The following ZNF134 variants were observed in gnomAD, a reference collection of about 807,000 sequenced individuals.
The protein encoded by ZNF134 is zinc finger protein 134 (clone pHZ-15).
Under a neutral mutation model 2.5 loss-of-function variants are expected in ZNF134, and 5 were observed. The ratio of observed to expected loss-of-function variants is 2.03; its 90% CI spans 1.06 to 4.27. The LOEUF is 4.27. ZNF134 is among the 30% of genes most tolerant of loss of function. ZNF134 has a pLI of 0.00. For missense variants in ZNF134, 540 were observed against 517.5 expected (o/e 1.04, Z -0.42); for synonymous variants, 176 against 176.2 (o/e 1.00, Z 0.01).
chr19:57,616,513 C>T (rs1391748694), intron 1 of ZNF134, among the ~76,000 whole-genome samples: 1 of 152,216 alleles, frequency 6.6e-6, no homozygotes, highest in Admixed American at 6.5e-5. Context: ...CTGATACAAA[C>T]AGTAGCCCTA....
intron 1 of ZNF134, among the ~76,000 whole-genome samples, chr19:57,616,949 A>G (rs1284934366): frequency 6.6e-6 from 1 of 152,146 alleles, no homozygotes; most frequent in Non-Finnish European, 1.5e-5. Context: ...TGTGTTGTAA[A>G]TTCTGTTTTG....
In ZNF134 at chr19:57,620,566, A is replaced by G. The variant is rs1981178530; in HGVS notation, c.447A>G (p.Gln149=). 1.2e-6 allele frequency: 2 copies of G among 1,614,252 alleles called. No individual in the cohort carries two copies. Among genetic ancestry groups the G allele is most frequent in the Non-Finnish European group, 1.7e-6 (2 of 1,180,046 alleles). ...TCCAGGCTACTTTGGGTGGCTGCCA[A>G]CAAAAGGCCATCCACAGTAAGAGGA... ...KNFQATLGGC[Q]QKAIHSKRKT... is the part of the protein sequence containing the mutation. Residue 149 remains glutamine, a synonymous_variant, in exon 3 of 3, where the codon CAA becomes CAG. Coordinates refer to ENST00000396161, the MANE Select transcript of ZNF134 (RefSeq NM_003435.5).
chr19:57,619,695 C>G, intron 2 of ZNF134, 187 bp downstream of exon 2: 1 of 650,094 alleles, frequency 1.5e-6, no homozygotes, highest in Non-Finnish European at 2.6e-6. Context: ...CTCCCATTCT[C>G]TACCAGAGGG....
chr19:57,615,926 A>G (rs564222842), intron 1 of ZNF134, among the ~76,000 whole-genome samples: 2 of 152,366 alleles, frequency 1.3e-5, no homozygotes, highest in African/African-American at 4.8e-5. Context: ...AGAACAAAGA[A>G]CAAGGAAGTT....
chr19:57,619,631 C>T (rs981347665), intron 2 of ZNF134, 123 bp downstream of exon 2: 43 of 1,066,572 alleles, frequency 4.0e-5, no homozygotes, highest in Non-Finnish European at 5.3e-5. Context: ...CTTTTTATCC[C>T]CATTCTGTAC....
chr19:57,614,291 C>CG lies in ZNF134; in HGVS notation c.-266dup, dbSNP rs1324790085. On this transcript the variant is annotated 5_prime_UTR_variant, in exon 1 of 3. Coordinates refer to ENST00000396161, the MANE Select transcript of ZNF134 (RefSeq NM_003435.5). ...AGGTGGAACCATCGGAGCAGAAGCT[C>CG]GGGGTTGCTGGGCGGTTCCGAGGTG... 1.6e-5 allele frequency: 7 copies of CG among 450,814 alleles called. No individual in the cohort carries two copies. The highest frequency in any genetic ancestry group is 2.4e-5 in the Admixed American group (1 of 42,096). 27.9% of individuals were successfully genotyped at this position (450,814 alleles called of 1,614,324 possible). A position where few individuals can be genotyped will look rare whatever the true frequency, so the allele number is the denominator to read the frequency against.
At chr19:57,618,365 G>A (rs180713352) in intron 1 of ZNF134, among the ~76,000 whole-genome samples, 34 of 152,320 alleles carry the variant, frequency 2.2e-4, no homozygotes, top group Non-Finnish European at 1.5e-4. Flanking sequence ...AGCCATGGAG[G>A]TACCAGTGTT....
In ZNF134 at chr19:57,614,310, C is replaced by T. The variant is rs902070650; in HGVS notation, c.-251C>T. ...GAAGCTCGGGGTTGCTGGGCGGTTC[C>T]GAGGTGACGGAAGCGGGAGGGTGCG... On this transcript the variant is annotated 5_prime_UTR_variant, in exon 1 of 3. Transcript: ENST00000396161. The T allele has an allele frequency of 6.6e-6, 3 of 453,320 alleles. No homozygotes were observed. The highest frequency in any genetic ancestry group is 3.1e-5 in the South Asian group (2 of 64,196). The allele number at this position is 453,320 out of a possible 1,614,324, so 28.1% of individuals were successfully genotyped here. A position where few individuals can be genotyped will look rare whatever the true frequency, so the allele number is the denominator to read the frequency against.
chr19:57,619,405 C>G lies in ZNF134; in HGVS notation c.-57-7C>G. ...TTCACCTTTCCCCTATGCTTTGTAT[C>G]TTCCAGATCCTCTGTGGTTGTTGAA... On this transcript the variant is annotated splice_polypyrimidine_tract_variant and splice_region_variant and intron_variant, in intron 1 of 2. Coordinates refer to ENST00000396161, the MANE Select transcript of ZNF134 (RefSeq NM_003435.5). 6.4e-7 allele frequency: 1 copy of G among 1,561,778 alleles called. No homozygotes were observed. The highest frequency in any genetic ancestry group is 1.4e-5 in the African/African-American group (1 of 73,982).
In ZNF134 at chr19:57,621,147, C is replaced by T. The variant is rs866888723; in HGVS notation, c.1028C>T (p.Pro343Leu). Residue 343 changes from proline to leucine, a missense_variant, in exon 3 of 3, where the codon CCG becomes CTG. Physicochemically the swap from Pro to Leu is moderately conservative, Grantham distance 98. Transcript: ENST00000396161. ...KHQRIHTESK[P>L]FECIECGKFF... ...CAGCGAATTCACACTGAGTCAAAGCCGTTTGAGTGCATTGAATGCGGGAAA... is the reference window on the plus strand; with the variant it reads ...CAGCGAATTCACACTGAGTCAAAGCTGTTTGAGTGCATTGAATGCGGGAAA... The T allele has an allele frequency of 2.9e-5, 47 of 1,614,088 alleles. No homozygotes were observed. Among genetic ancestry groups the T allele is most frequent in the Non-Finnish European group, 3.8e-5 (45 of 1,180,048 alleles).
In ZNF134 at chr19:57,620,188, G is replaced by A. The variant is rs776295910; in HGVS notation, c.69G>A (p.Glu23=). Residue 23 remains glutamate, a synonymous_variant, in exon 3 of 3, where the codon GAG becomes GAA. Transcript: ENST00000396161. ...PGCWHEVKDE[E]SSSEQSISIA... is the part of the protein sequence containing the mutation. ...GTTGGCATGAAGTGAAGGATGAAGAGTCATCTTCTGAACAGAGCATTTCTA... is the reference window on the plus strand; with the variant it reads ...GTTGGCATGAAGTGAAGGATGAAGAATCATCTTCTGAACAGAGCATTTCTA... 2.2e-5 allele frequency: 35 copies of A among 1,613,592 alleles called. No individual in the cohort carries two copies. The highest frequency in any genetic ancestry group is 2.7e-5 in the Non-Finnish European group (32 of 1,179,710).
chr19:57,614,462 C>T lies in ZNF134; in HGVS notation c.-99C>T, dbSNP rs186592383. 3.5e-3 allele frequency: 1,481 copies of T among 424,188 alleles called. 21 individuals are homozygous for T. Among genetic ancestry groups the T allele is most frequent in the African/African-American group, 0.027 (1,320 of 48,438 alleles). 26.3% of individuals were successfully genotyped at this position (424,188 alleles called of 1,614,324 possible). ...CCCCCTCGCGGCTCCGGGTGGTCTA[C>T]GAACTGTGATGGCGGCGGCCGCGGT... On this transcript the variant is annotated 5_prime_UTR_variant, in exon 1 of 3. In the 5' UTR this introduces an upstream ATG that the reference lacks. Coordinates refer to ENST00000396161, the MANE Select transcript of ZNF134 (RefSeq NM_003435.5).
At position 57,622,953 on chromosome 19, in the gene ZNF134, CTT is replaced by C. The variant is rs1207251762; in HGVS notation, c.*1551_*1552del. 1 of 106,574 alleles carries C rather than the reference CTT, an allele frequency of 9.4e-6. No individual in the cohort carries two copies. Among genetic ancestry groups the C allele is most frequent in the Non-Finnish European group, 1.9e-5 (1 of 51,996 alleles). The allele number at this position is 106,574 out of a possible 1,614,324, so 6.6% of individuals were successfully genotyped here. On this transcript the variant is annotated 3_prime_UTR_variant, in exon 3 of 3. Transcript: ENST00000396161. ...CATATTTAAAGTGTACGAGTTAAGT[CTT>C]GATACACACACACACACACACACAC...
At chr19:57,615,876 T>C (rs79683712) in intron 1 of ZNF134, among the ~76,000 whole-genome samples, 3,384 of 152,200 alleles carry the variant, frequency 0.022, 117 homozygotes, top group African/African-American at 0.077. Context: ...TTGTTTATAG[T>C]AACTAGGGGC....
rs924721548 is a variant in ZNF134 at position 57,623,557 on chromosome 19, A to G, written c.*2154A>G. Reference sequence around the variant, plus strand: ...AGCCCATCTTAATTGGAAAAAAAAAACAAACCATTGAAATTAAGAGATTCA... The same window carrying G: ...AGCCCATCTTAATTGGAAAAAAAAAGCAAACCATTGAAATTAAGAGATTCA... On this transcript the variant is annotated 3_prime_UTR_variant, in exon 3 of 3. Transcript: ENST00000396161. 3.9e-5 allele frequency: 6 copies of G among 152,188 alleles called. No homozygotes were observed. Among genetic ancestry groups the G allele is most frequent in the Admixed American group, 6.5e-5 (1 of 15,288 alleles). The allele number at this position is 152,188 out of a possible 1,614,324, so 9.4% of individuals were successfully genotyped here. A position where few individuals can be genotyped will look rare whatever the true frequency, so the allele number is the denominator to read the frequency against.
intron 2 of ZNF134, chr19:57,619,728 C>T: frequency 1.7e-6 from 1 of 584,188 alleles, no homozygotes; most frequent in South Asian, 2.3e-5. Flanking sequence ...CAATAGCTCT[C>T]TCTGCGATGC....
intron 1 of ZNF134, among the ~76,000 whole-genome samples, chr19:57,616,286 A>C (rs1019014189): frequency 6.6e-6 from 1 of 152,394 alleles, no homozygotes; most frequent in East Asian, 1.9e-4. Flanking sequence ...GAACTAAAAA[A>C]TGTATGTACA....
chr19:57,620,163 G>T lies in ZNF134; in HGVS notation c.44G>T (p.Cys15Phe), dbSNP rs746712846. The T allele has an allele frequency of 1.2e-6, 2 of 1,609,926 alleles. No individual in the cohort carries two copies. The change falls in exon 3 of 3, where the codon TGT becomes TTT. Residue 15 changes from cysteine to phenylalanine, a missense_variant. By Grantham distance (205) the Cys-to-Phe change is radical (BLOSUM62 -2). Transcript: ENST00000396161. ...TAGGAWTGPG[C>F]WHEVKDEESS... is the part of the protein sequence containing the mutation. ...AATAGTATTTTTCTGCCTTCAGGTTGTTGGCATGAAGTGAAGGATGAAGAG... is the reference window on the plus strand; with the variant it reads ...AATAGTATTTTTCTGCCTTCAGGTTTTTGGCATGAAGTGAAGGATGAAGAG...
In ZNF134 at chr19:57,614,277, T is replaced by C. The variant is rs1212867691; in HGVS notation, c.-284T>C. Reference sequence around the variant, plus strand: ...TCTTGTCGGCTCTTAGGTGGAACCATCGGAGCAGAAGCTCGGGGTTGCTGG... The same window carrying C: ...TCTTGTCGGCTCTTAGGTGGAACCACCGGAGCAGAAGCTCGGGGTTGCTGG... On this transcript the variant is annotated 5_prime_UTR_variant, in exon 1 of 3. Transcript: ENST00000396161. The C allele has an allele frequency of 2.2e-6, 1 of 448,434 alleles. No homozygotes were observed. 27.8% of individuals were successfully genotyped at this position (448,434 alleles called of 1,614,324 possible). A position where few individuals can be genotyped will look rare whatever the true frequency, so the allele number is the denominator to read the frequency against.
Sources: allele counts gnomAD v4.1 joint callset (sites outside exome capture counted in the v4.1 genomes callset), GRCh38; gene constraint gnomAD v4.1.1; transcripts MANE v1.5; gene names NCBI Gene and HGNC (gene_info 2026-07-23, HGNC 2026-07-21).